The following SIL1 variants were observed in gnomAD, a reference collection of about 807,000 sequenced individuals.
SIL1 encodes SIL1 nucleotide exchange factor.
SIL1 carries 40 observed loss-of-function variants against 49.1 expected under a neutral mutation model. That is an observed-to-expected ratio of 0.81 (90% CI 0.63 to 1.06). The LOEUF (loss-of-function observed/expected upper bound fraction) is 1.06, where lower values mean the gene tolerates loss of function less well. SIL1 is among the 50% of genes least tolerant of loss of function. SIL1 has a pLI of 0.00. For missense variants in SIL1, 500 were observed against 572.6 expected (o/e 0.87, Z 1.29); for synonymous variants, 253 against 250.8 (o/e 1.01, Z -0.08).
intron 7 of SIL1, among the ~76,000 whole-genome samples, chr5:138,989,110 G>A (rs534914427): frequency 2.0e-5 from 3 of 152,322 alleles, no homozygotes; most frequent in East Asian, 1.9e-4. Flanking sequence ...CTCTGGTGCC[G>A]TTTGAATTTT....
chr5:139,079,777 T>C (rs1273762145), intron 3 of SIL1, among the ~76,000 whole-genome samples: 1 of 152,248 alleles, frequency 6.6e-6, no homozygotes, highest in Non-Finnish European at 1.5e-5. Context: ...CACAACCATT[T>C]TATTCAAATA....
chr5:139,070,737 G>C (rs971535628), intron 3 of SIL1, among the ~76,000 whole-genome samples: 1 of 151,960 alleles, frequency 6.6e-6, no homozygotes, highest in African/African-American at 2.4e-5. Flanking sequence ...CTGTGAGTTT[G>C]TAAAGGGAAA....
chr5:139,100,729 T>C (rs1373282979), intron 3 of SIL1, among the ~76,000 whole-genome samples: 9 of 152,160 alleles, frequency 5.9e-5, no homozygotes, highest in African/African-American at 2.2e-4. Context: ...TGTGGGGTCT[T>C]AGAGAAAGAA....
At chr5:139,114,950 G>C (rs1770956187) in intron 3 of SIL1, among the ~76,000 whole-genome samples, 1 of 152,208 alleles carries the variant, frequency 6.6e-6, no homozygotes, top group Admixed American at 6.5e-5. Flanking sequence ...AAGTCCCACT[G>C]TCACACTTTG....
At chr5:138,989,623 C>A (rs1156356962) in intron 7 of SIL1, among the ~76,000 whole-genome samples, 1 of 152,030 alleles carries the variant, frequency 6.6e-6, no homozygotes, top group East Asian at 1.9e-4. Context: ...GAAACAAGGG[C>A]CGCACTCCTT....
At chr5:139,063,611 C>A (rs1011187836) in intron 3 of SIL1, among the ~76,000 whole-genome samples, 17 of 152,132 alleles carry the variant, frequency 1.1e-4, no homozygotes. Flanking sequence ...TGAAGTTAAC[C>A]CTGAGATACT....
At chr5:139,006,503 G>C (rs1768122007) in intron 7 of SIL1, among the ~76,000 whole-genome samples, 1 of 137,962 alleles carries the variant, frequency 7.2e-6, no homozygotes, top group African/African-American at 2.7e-5. Flanking sequence ...ATTGCTTTTG[G>C]TGTTTTGGAC....
At chr5:139,083,785 G>A (rs1369521896) in intron 3 of SIL1, among the ~76,000 whole-genome samples, 1 of 11,798 alleles carries the variant, frequency 8.5e-5, no homozygotes. Flanking sequence ...TAATGCCTAG[G>A]TTTTCTTCTA....
chr5:139,072,455 G>A (rs1769855445), intron 3 of SIL1, among the ~76,000 whole-genome samples: 1 of 152,118 alleles, frequency 6.6e-6, no homozygotes, highest in African/African-American at 2.4e-5. Flanking sequence ...AATGGGGAAA[G>A]GACAGTCTCT....
chr5:139,162,756 G>A (rs1235878372), intron 1 of SIL1, among the ~76,000 whole-genome samples: 1 of 152,148 alleles, frequency 6.6e-6, no homozygotes, highest in Non-Finnish European at 1.5e-5. Context: ...TCCTAGGACT[G>A]GGAATACAGC....
At chr5:139,158,101 T>C (rs1346925592) in intron 1 of SIL1, among the ~76,000 whole-genome samples, 4 of 152,172 alleles carry the variant, frequency 2.6e-5, no homozygotes, top group Non-Finnish European at 5.9e-5. Flanking sequence ...TATTCCCCTA[T>C]TACTGATGAG....
intron 2 of SIL1, among the ~76,000 whole-genome samples, chr5:139,126,989 T>C (rs1311697654): frequency 2.6e-5 from 4 of 152,140 alleles, no homozygotes; most frequent in Non-Finnish European, 5.9e-5. Context: ...CATTAGGAGC[T>C]GGTCAAGGGC....
intron 3 of SIL1, among the ~76,000 whole-genome samples, chr5:139,078,256 C>A (rs1355289227): frequency 1.3e-5 from 2 of 151,876 alleles, no homozygotes; most frequent in Admixed American, 6.6e-5. Context: ...CCAGCCTGAG[C>A]AACACAGTGA....
At chr5:139,002,132 A>T (rs1432523363) in intron 7 of SIL1, among the ~76,000 whole-genome samples, 3 of 151,294 alleles carry the variant, frequency 2.0e-5, no homozygotes. Flanking sequence ...GATTGCTTGA[A>T]CCCAGGAGGT....
At chr5:139,084,468 G>C (rs1227114987) in intron 3 of SIL1, among the ~76,000 whole-genome samples, 12 of 90,236 alleles carry the variant, frequency 1.3e-4, no homozygotes, top group African/African-American at 5.2e-4. Context: ...AAAATGATGA[G>C]TTCATATCCT....
chr5:139,055,173 C>T (rs1255556806), intron 3 of SIL1, among the ~76,000 whole-genome samples: 3 of 152,166 alleles, frequency 2.0e-5, no homozygotes, highest in African/African-American at 7.2e-5. Context: ...TCCTTCAGAG[C>T]TGATCCCAAG....
intron 7 of SIL1, among the ~76,000 whole-genome samples, chr5:138,956,722 A>G (rs1399368578): frequency 1.3e-5 from 2 of 151,256 alleles, no homozygotes; most frequent in African/African-American, 4.9e-5. Context: ...CAGCCTGGGC[A>G]ACAGAGCAAG....
chr5:139,097,947 A>T (rs1372408210), intron 3 of SIL1, among the ~76,000 whole-genome samples: 1 of 152,238 alleles, frequency 6.6e-6, no homozygotes, highest in Non-Finnish European at 1.5e-5. Context: ...ATGGAAAAGG[A>T]CACCAAAAAA....
At chr5:138,976,609 A>G (rs1011542590) in intron 7 of SIL1, among the ~76,000 whole-genome samples, 14 of 152,078 alleles carry the variant, frequency 9.2e-5, no homozygotes, top group African/African-American at 3.4e-4. Flanking sequence ...GCCACCACGC[A>G]GGCCATTACC....
Sources: allele counts gnomAD v4.1 joint callset (sites outside exome capture counted in the v4.1 genomes callset), GRCh38; gene constraint gnomAD v4.1.1; transcripts MANE v1.5; gene names NCBI Gene and HGNC (gene_info 2026-07-23, HGNC 2026-07-21).